RSPO3: variants seen among roughly 807,000 people sequenced by gnomAD.
The protein encoded by RSPO3 is R-spondin 3, also known as R-spondin-3.
A neutral mutation model predicts 36.5 loss-of-function variants in RSPO3; 17 were observed. The ratio of observed to expected loss-of-function variants is 0.47; its 90% CI spans 0.32 to 0.70. The LOEUF is 0.70. Among genes scored for constraint, RSPO3 ranks in the 30% least tolerant of loss-of-function variants. RSPO3 has a pLI of 0.04. For missense variants in RSPO3, 294 were observed against 322.5 expected, an observed-to-expected ratio of 0.91 and a Z score of 0.68; for synonymous variants, 108 against 107.0, an observed-to-expected ratio of 1.01 and a Z score of -0.06.
chr6:127,137,339 G>A (rs1006555771), intron 1 of RSPO3, among the ~76,000 whole-genome samples: 6 of 152,000 alleles, frequency 3.9e-5, no homozygotes, highest in African/African-American at 1.2e-4. Context: ...TGCAGTGAGC[G>A]GAGTTGGTGC....
At chr6:127,156,158 C>A (rs1322618567) in intron 4 of RSPO3, among the ~76,000 whole-genome samples, 5 of 152,110 alleles carry the variant, frequency 3.3e-5, no homozygotes, top group African/African-American at 1.2e-4. Flanking sequence ...CTCCAGATTT[C>A]TTTTCATATT....
chr6:127,154,681 C>T (rs1423561780), intron 3 of RSPO3, among the ~76,000 whole-genome samples: 1 of 152,166 alleles, frequency 6.6e-6, no homozygotes, highest in Non-Finnish European at 1.5e-5. Flanking sequence ...CACAGAGGTT[C>T]TCAAAAGGAG....
At chr6:127,173,468 T>C (rs898885028) in intron 4 of RSPO3, among the ~76,000 whole-genome samples, 4 of 151,892 alleles carry the variant, frequency 2.6e-5, no homozygotes, top group African/African-American at 9.7e-5. Flanking sequence ...CTCACTTGGC[T>C]TTTTAAAAGG....
chr6:127,199,347 TA>T lies in RSPO3; in HGVS notation c.*3343del, dbSNP rs1468790273. Reference sequence around the variant, plus strand: ...TGACTAATTCCACAAGTCAAACATATAAATTTTATTTCTTGATTCATGATAT... The same window carrying T: ...TGACTAATTCCACAAGTCAAACATATAATTTTATTTCTTGATTCATGATAT... On this transcript the variant is annotated 3_prime_UTR_variant, in exon 5 of 5. Transcript: ENST00000356698. Among the ~76,000 whole-genome samples the T allele has an allele frequency of 1.3e-5, 2 of 152,174 alleles. No individual in the cohort carries two copies. Among genetic ancestry groups the T allele is most frequent in the Admixed American group, 1.3e-4 (2 of 15,278 alleles).
chr6:127,163,364 T>G (rs1248720239), intron 4 of RSPO3, among the ~76,000 whole-genome samples: 1 of 152,134 alleles, frequency 6.6e-6, no homozygotes, highest in East Asian at 1.9e-4. Flanking sequence ...TAGATAATTA[T>G]CTTGCTTTTT....
chr6:127,128,030 G>T (rs1773971876), intron 1 of RSPO3, among the ~76,000 whole-genome samples: 1 of 152,030 alleles, frequency 6.6e-6, no homozygotes, highest in Non-Finnish European at 1.5e-5. Flanking sequence ...TTATATGAAA[G>T]ACTCTGTGAT....
chr6:127,199,124 A>G lies in RSPO3; in HGVS notation c.*3117A>G, dbSNP rs1159469453. 6.6e-6 allele frequency among the ~76,000 whole-genome samples: 1 copy of G among 152,214 alleles called. No individual in the cohort carries two copies. Among genetic ancestry groups the G allele is most frequent in the East Asian group, 1.9e-4 (1 of 5,194 alleles). ...GTGCTAGCGTTAGACAGCTTGTGTT[A>G]ATGTCTCAATTCTGCTACTAACTGG... On this transcript the variant is annotated 3_prime_UTR_variant, in exon 5 of 5. Transcript: ENST00000356698.
At chr6:127,191,909 G>T (rs1398876125) in intron 4 of RSPO3, among the ~76,000 whole-genome samples, 2 of 152,228 alleles carry the variant, frequency 1.3e-5, no homozygotes, top group South Asian at 2.1e-4. Flanking sequence ...GCTTCTATGG[G>T]TAATATTCTA....
intron 1 of RSPO3, among the ~76,000 whole-genome samples, chr6:127,136,404 C>T (rs1005370819): frequency 1.8e-4 from 28 of 152,208 alleles, no homozygotes; most frequent in Non-Finnish European, 3.5e-4. Flanking sequence ...GCCGTACTCT[C>T]ATCAAACACA....
intron 4 of RSPO3, among the ~76,000 whole-genome samples, chr6:127,182,996 G>A (rs1343583897): frequency 1.3e-5 from 2 of 151,976 alleles, no homozygotes; most frequent in African/African-American, 2.4e-5. Context: ...CATCCCAAGT[G>A]CTTTCCTCTC....
chr6:127,119,338 T>G, intron 1 of RSPO3, 49 bp downstream of exon 1: 1 of 1,396,704 alleles, frequency 7.2e-7, no homozygotes, highest in South Asian at 1.2e-5. Context: ...CGCGTTCACC[T>G]GTCGGGTCGC....
intron 4 of RSPO3, among the ~76,000 whole-genome samples, chr6:127,183,468 G>T (rs913805199): frequency 2.6e-5 from 4 of 151,944 alleles, no homozygotes; most frequent in Non-Finnish European, 5.9e-5. Context: ...CAGGTTGTTT[G>T]GGACACTGGG....
chr6:127,152,040 A>T (rs1214112655), intron 3 of RSPO3, among the ~76,000 whole-genome samples: 1 of 152,120 alleles, frequency 6.6e-6, no homozygotes, highest in Non-Finnish European at 1.5e-5. Flanking sequence ...AGTCCTGGAA[A>T]GGCTATTTAC....
chr6:127,171,391 A>T (rs747997955), intron 4 of RSPO3, among the ~76,000 whole-genome samples: 131 of 151,738 alleles, frequency 8.6e-4, no homozygotes, highest in Non-Finnish European at 1.6e-3. Context: ...AGAAATAAGT[A>T]ACTTTGAGAA....
At position 127,148,854 on chromosome 6, in the gene RSPO3, G is replaced by A. The variant is rs374483309; in HGVS notation, c.289+15G>A. ...TAAGTGTACAAGTAAGTGCCCACACGAAATTGTATTTTTATCTCATCTTTG... is the reference window on the plus strand; with the variant it reads ...TAAGTGTACAAGTAAGTGCCCACACAAAATTGTATTTTTATCTCATCTTTG... On this transcript the variant is annotated intron_variant, in intron 2 of 4. Transcript: ENST00000356698. 19 of 1,587,184 alleles carry A rather than the reference G, an allele frequency of 1.2e-5. No individual in the cohort carries two copies. The highest frequency in any genetic ancestry group is 8.5e-5 in the Admixed American group (5 of 58,990).
At chr6:127,192,712 T>C (rs1434657195) in intron 4 of RSPO3, 1 of 983,542 alleles carries the variant, frequency 1.0e-6, no homozygotes, top group African/African-American at 1.7e-5. Flanking sequence ...TTCAGGCAGG[T>C]ACGTGCGTGT....
At chr6:127,144,319 T>A (rs904250961) in intron 1 of RSPO3, among the ~76,000 whole-genome samples, 1 of 152,186 alleles carries the variant, frequency 6.6e-6, no homozygotes, top group Non-Finnish European at 1.5e-5. Context: ...AAAGTTTACT[T>A]ATATATAAAG....
At chr6:127,130,075 T>C (rs1417894935) in intron 1 of RSPO3, among the ~76,000 whole-genome samples, 1 of 152,146 alleles carries the variant, frequency 6.6e-6, no homozygotes, top group African/African-American at 2.4e-5. Context: ...GTGTTGTAAG[T>C]ATCTAAGTAG....
At chr6:127,163,240 G>C (rs1266085310) in intron 4 of RSPO3, among the ~76,000 whole-genome samples, 1 of 152,112 alleles carries the variant, frequency 6.6e-6, no homozygotes, top group Non-Finnish European at 1.5e-5. Context: ...TCATGCTCCT[G>C]TTCTCCTTCC....
Sources: gnomAD v4.1 joint callset for allele counts (sites outside exome capture counted in the v4.1 genomes callset) on GRCh38, gnomAD v4.1.1 for gene constraint, MANE v1.5 for transcripts, NCBI Gene and HGNC (gene_info 2026-07-23, HGNC 2026-07-21) for gene names.